The following RBBP8NL variants were observed in gnomAD, a reference collection of about 807,000 sequenced individuals.
RBBP8NL encodes the protein RBBP8 N-terminal like.
Under a neutral mutation model 62.2 loss-of-function variants are expected in RBBP8NL, and 59 were observed. The ratio of observed to expected loss-of-function variants is 0.95; its 90% CI spans 0.77 to 1.18. The LOEUF (loss-of-function observed/expected upper bound fraction) is 1.18. RBBP8NL is among the 50% of genes most tolerant of loss of function. RBBP8NL has a pLI of 0.00. For missense variants in RBBP8NL, 896 were observed against 899.5 expected (o/e 1.00, Z 0.05); for synonymous variants, 412 against 394.1 (o/e 1.05, Z -0.54).
chr20:62,418,106 G>A (rs1214866894), intron 3 of RBBP8NL, among the ~76,000 whole-genome samples: 4 of 152,320 alleles, frequency 2.6e-5, no homozygotes, highest in Middle Eastern at 3.4e-3. Flanking sequence ...CTGCCCGCCC[G>A]CCAGTGTCTG....
chr20:62,415,296 A>G lies in RBBP8NL; in HGVS notation c.628-9T>C. The G allele has an allele frequency of 6.4e-7, 1 of 1,566,882 alleles. No individual in the cohort carries two copies. Among genetic ancestry groups the G allele is most frequent in the Non-Finnish European group, 8.6e-7 (1 of 1,164,428 alleles). ...GAGATGCGCTGGGGGCTCTGTGAGG[A>G]TGGGTGGGTCAGCCTGGGCGGGGGC... On this transcript the variant is annotated splice_polypyrimidine_tract_variant and intron_variant, in intron 8 of 13. Transcript: ENST00000252998.
intron 9 of RBBP8NL, 54 bp from the exon 10 acceptor site, chr20:62,414,610 C>T: frequency 2.2e-6 from 3 of 1,379,596 alleles, no homozygotes; most frequent in Non-Finnish European, 2.8e-6. Context: ...GTGACCGTCC[C>T]AGCGAGCCCT....
At chr20:62,425,696 C>T (rs2146447794) in intron 1 of RBBP8NL, among the ~76,000 whole-genome samples, 1 of 152,384 alleles carries the variant, frequency 6.6e-6, no homozygotes, top group South Asian at 2.1e-4. Flanking sequence ...GGCACCAGTG[C>T]TCCAAGGACG....
In RBBP8NL at chr20:62,419,618, C is replaced by G. The variant is rs1326188479; in HGVS notation, c.30G>C (p.Arg10Ser). 1 of 1,613,554 alleles carries G rather than the reference C, an allele frequency of 6.2e-7. No homozygotes were observed. The highest frequency in any genetic ancestry group is 1.1e-5 in the South Asian group (1 of 91,084). The change falls in exon 2 of 14, where the codon AGG (arginine) becomes AGC (serine). Residue 10 changes from arginine (R) to serine (S), a missense_variant. Arg to Ser is a moderately radical substitution (Grantham distance 110). Coordinates refer to ENST00000252998, the MANE Select transcript of RBBP8NL (RefSeq NM_080833.3). MESFMESLN[R>S]LKEIHEKEVL... Reference sequence around the variant, plus strand: ...CTTCCTTCTCGTGGATCTCCTTCAGCCTGTTCAGCGACTCCATGAAGCTCT... The same window carrying G: ...CTTCCTTCTCGTGGATCTCCTTCAGGCTGTTCAGCGACTCCATGAAGCTCT...
chr20:62,420,232 C>T (rs1374687082), intron 1 of RBBP8NL, among the ~76,000 whole-genome samples: 5 of 152,084 alleles, frequency 3.3e-5, no homozygotes, highest in Non-Finnish European at 7.4e-5. Flanking sequence ...GTCCACACCC[C>T]GGCCCCAACA....
intron 4 of RBBP8NL, 22 bp downstream of exon 4, chr20:62,417,202 C>A: frequency 6.4e-7 from 1 of 1,559,918 alleles, no homozygotes; most frequent in Non-Finnish European, 8.7e-7. Flanking sequence ...GGCCATGCTG[C>A]GAGGTGTCCT....
At chr20:62,423,996 C>T (rs191899004) in intron 1 of RBBP8NL, among the ~76,000 whole-genome samples, 26 of 130,194 alleles carry the variant, frequency 2.0e-4, no homozygotes, top group African/African-American at 7.1e-4. Context: ...TGGGGGAACT[C>T]GGAAGGAGGG....
Position 62,414,338 on chromosome 20 carries a change from C to A in RBBP8NL, c.1013G>T (p.Gly338Val), listed in dbSNP as rs1211155783. 2.6e-6 allele frequency: 4 copies of A among 1,556,904 alleles called. No individual in the cohort carries two copies. In the Admixed American group the frequency reaches 5.8e-5, roughly 22 times the overall value. Residue 338 changes from glycine (G) to valine (V), a missense_variant, in exon 10 of 14, where the codon GGG (glycine) becomes GTG (valine). By Grantham distance (109) the Gly-to-Val change is moderately radical. Transcript: ENST00000252998. ...EAWEEPTELLGLPSALAGMQD... is the reference protein window; with the variant it reads ...EAWEEPTELLVLPSALAGMQD... ...CATGCCCGCCAGGGCACTGGGCAGCCCCAGCAGTTCTGTGGGCTCCTCCCA... is the reference window on the plus strand; with the variant it reads ...CATGCCCGCCAGGGCACTGGGCAGCACCAGCAGTTCTGTGGGCTCCTCCCA...
At position 62,414,010 on chromosome 20, in the gene RBBP8NL, C is replaced by G; in HGVS notation, c.1341G>C (p.Trp447Cys). ...GAGTGTCCTGGCCCCGGGCCCGGCCCCACTCCGAGAGGTCCAGGGGCTTGT... is the reference window on the plus strand; with the variant it reads ...GAGTGTCCTGGCCCCGGGCCCGGCCGCACTCCGAGAGGTCCAGGGGCTTGT... ...ALDKPLDLSE[W>C]GRARGQDTPK... Residue 447 changes from tryptophan (W) to cysteine (C), a missense_variant, in exon 10 of 14, where the codon TGG becomes TGC. Trp to Cys is a radical substitution (Grantham distance 215). Coordinates refer to ENST00000252998, the MANE Select transcript of RBBP8NL (RefSeq NM_080833.3). 1 of 1,579,652 alleles carries G rather than the reference C, an allele frequency of 6.3e-7. No individual in the cohort carries two copies. Among genetic ancestry groups the G allele is most frequent in the Non-Finnish European group, 8.6e-7 (1 of 1,163,358 alleles).
chr20:62,415,502 G>GA (rs1988541557), intron 8 of RBBP8NL, 76 bp downstream of exon 8: 2 of 1,510,264 alleles, frequency 1.3e-6, no homozygotes, highest in South Asian at 2.3e-5. Flanking sequence ...CTGGCATACT[G>GA]AAAGTGCAGC....
At chr20:62,416,913 G>A (rs756806471) in intron 4 of RBBP8NL, 41 bp from the exon 5 acceptor site, 1 of 1,444,280 alleles carries the variant, frequency 6.9e-7, no homozygotes. Flanking sequence ...GGATGGCACG[G>A]AAGCCACAGA....
intron 1 of RBBP8NL, among the ~76,000 whole-genome samples, chr20:62,423,647 G>A (rs1339925698): frequency 6.6e-6 from 1 of 152,226 alleles, no homozygotes; most frequent in African/African-American, 2.4e-5. Flanking sequence ...CACACGAGAG[G>A]TGGGCTTCCT....
intron 1 of RBBP8NL, among the ~76,000 whole-genome samples, chr20:62,422,762 G>A (rs1461511169): frequency 1.3e-5 from 2 of 152,086 alleles, no homozygotes; most frequent in East Asian, 1.9e-4. Context: ...CATTAGTGCC[G>A]AGCCTGGTGG....
At position 62,410,805 on chromosome 20, in the gene RBBP8NL, TG is replaced by T; in HGVS notation, c.*72del. Reference sequence around the variant, plus strand: ...GCAGGGCTGCCTGCTGGTTGGATGGTGTGCCCTCTCCAGGCCCTGGTGGGCA... The same window carrying T: ...GCAGGGCTGCCTGCTGGTTGGATGGTTGCCCTCTCCAGGCCCTGGTGGGCA... On this transcript the variant is annotated 3_prime_UTR_variant, in exon 14 of 14. Coordinates refer to ENST00000252998, the MANE Select transcript of RBBP8NL (RefSeq NM_080833.3). 2 of 999,882 alleles carry T rather than the reference TG, an allele frequency of 2.0e-6. No homozygotes were observed. Among genetic ancestry groups the T allele is most frequent in the Admixed American group, 3.8e-5 (2 of 52,700 alleles). The allele number at this position is 999,882 out of a possible 1,614,324, so 61.9% of individuals were successfully genotyped here. A position where few individuals can be genotyped will look rare whatever the true frequency, so the allele number is the denominator to read the frequency against.
intron 5 of RBBP8NL, among the ~76,000 whole-genome samples, chr20:62,416,545 C>T (rs557118011): frequency 1.3e-5 from 2 of 152,310 alleles, no homozygotes; most frequent in East Asian, 1.9e-4. Context: ...GGGATGCCCC[C>T]AGCCCAGGGG....
chr20:62,418,487 CG>C (rs939777505), intron 2 of RBBP8NL, 22 bp from the exon 3 acceptor site: 8 of 1,546,970 alleles, frequency 5.2e-6, no homozygotes, highest in Middle Eastern at 1.7e-4. Context: ...AGCAGAGGGG[CG>C]GGGGGTCAGG....
chr20:62,419,657 T>C lies in RBBP8NL; in HGVS notation c.-10A>G. 1 of 1,612,706 alleles carries C rather than the reference T, an allele frequency of 6.2e-7. No homozygotes were observed. The highest frequency in any genetic ancestry group is 8.5e-7 in the Non-Finnish European group (1 of 1,179,858). On this transcript the variant is annotated 5_prime_UTR_variant, in exon 2 of 14. Transcript: ENST00000252998. ...CCATGAAGCTCTCCATGGCTCCCTG[T>C]GGCCCTGGCCCGGGCCCCTCTGCGC... is the stretch of plus-strand genomic sequence containing the variant.
chr20:62,419,136 C>A (rs1221143146), intron 2 of RBBP8NL, among the ~76,000 whole-genome samples: 1 of 152,142 alleles, frequency 6.6e-6, no homozygotes, highest in Non-Finnish European at 1.5e-5. Flanking sequence ...CTGGATGGGT[C>A]CAGAGAGCCA....
intron 8 of RBBP8NL, 103 bp from the exon 9 acceptor site, chr20:62,415,390 C>A: frequency 7.0e-7 from 1 of 1,427,116 alleles, no homozygotes; most frequent in East Asian, 2.5e-5. Flanking sequence ...CCACTCTGCC[C>A]CTGCTCACTG....
Sources: allele counts gnomAD v4.1 joint callset (sites outside exome capture counted in the v4.1 genomes callset), GRCh38; gene constraint gnomAD v4.1.1; transcripts MANE v1.5; gene names NCBI Gene and HGNC (gene_info 2026-07-23, HGNC 2026-07-21).